The following GPLD1 variants were observed in gnomAD, a reference collection of about 807,000 sequenced individuals.
The protein encoded by GPLD1 is glycosylphosphatidylinositol specific phospholipase D1.
Under a neutral mutation model 112.6 loss-of-function variants are expected in GPLD1, and 84 were observed. The observed-to-expected ratio is 0.75, with a 90% confidence interval of 0.63 to 0.89. The LOEUF is 0.89. Ranked by LOEUF, GPLD1 falls within the 40% of genes least tolerant of loss-of-function variation. The pLI, the probability that GPLD1 is intolerant of heterozygous loss-of-function variation, is 0.00. For synonymous variants in GPLD1, 386 were observed against 403.8 expected (o/e 0.96, Z 0.53); for missense variants, 1,044 against 1,051.5 (o/e 0.99, Z 0.10).
chr6:24,444,498 ATTTT>A (rs567559014), intron 20 of GPLD1, among the ~76,000 whole-genome samples: 10 of 145,308 alleles, frequency 6.9e-5, no homozygotes, highest in East Asian at 5.9e-4. Flanking sequence ...GTTCTTATTT[ATTTT>A]TTTTTTTAAA....
chr6:24,457,637 C>T (rs1367636493), intron 12 of GPLD1, among the ~76,000 whole-genome samples: 1 of 152,028 alleles, frequency 6.6e-6, no homozygotes, highest in Non-Finnish European at 1.5e-5. Context: ...AATCCTAGCA[C>T]TTTGGGAGGT....
upstream of GPLD1, among the ~76,000 whole-genome samples, chr6:24,490,285 G>C (rs1241518035): frequency 2.0e-5 from 3 of 152,160 alleles, no homozygotes; most frequent in Non-Finnish European, 2.9e-5. Context: ...TATATTATCA[G>C]GTACCCACTT....
At chr6:24,456,736 A>C in intron 12 of GPLD1, 99 bp from the exon 13 acceptor site, 2 of 713,444 alleles carry the variant, frequency 2.8e-6, no homozygotes, top group Non-Finnish European at 4.6e-6. Context: ...AAAGGAAATG[A>C]GTTTTTAGAA....
Position 24,433,404 on chromosome 6 carries a change from TGAG to T in GPLD1, c.2359-18_2359-16del. ...ACATATTGGGCCTGAAGAAAAAAATTGAGGAGAGAGACAATGTTATTACTGTTT... is the reference window on the plus strand; with the variant it reads ...ACATATTGGGCCTGAAGAAAAAAATTGAGAGAGACAATGTTATTACTGTTT... On this transcript the variant is annotated splice_polypyrimidine_tract_variant and intron_variant, in intron 22 of 24. Transcript: ENST00000230036. The T allele has an allele frequency of 6.3e-7, 1 of 1,587,126 alleles. No individual in the cohort carries two copies. The highest frequency in any genetic ancestry group is 8.7e-7 in the Non-Finnish European group (1 of 1,156,068).
intron 10 of GPLD1, among the ~76,000 whole-genome samples, chr6:24,465,689 A>G (rs150744595): frequency 6.6e-6 from 1 of 152,178 alleles, no homozygotes; most frequent in African/African-American, 2.4e-5. Context: ...AGTGGGGACA[A>G]TCACAGTCTA....
Position 24,454,205 on chromosome 6 carries a change from A to C in GPLD1, c.1149-4T>G. 1 of 1,603,090 alleles carries C rather than the reference A, an allele frequency of 6.2e-7. No homozygotes were observed. The highest frequency in any genetic ancestry group is 8.5e-7 in the Non-Finnish European group (1 of 1,173,726). Reference sequence around the variant, plus strand: ...GAGGTCAGCTGAGGTCATTGCCCTTAGGGAAGTGAAGGGACCCACCATGGT... The same window carrying C: ...GAGGTCAGCTGAGGTCATTGCCCTTCGGGAAGTGAAGGGACCCACCATGGT... On this transcript the variant is annotated splice_polypyrimidine_tract_variant and splice_region_variant and intron_variant, in intron 13 of 24. Transcript: ENST00000230036.
intron 22 of GPLD1, among the ~76,000 whole-genome samples, chr6:24,434,651 C>G (rs1300580036): frequency 6.6e-6 from 1 of 151,752 alleles, no homozygotes; most frequent in Non-Finnish European, 1.5e-5. Flanking sequence ...TCGTGGCTAA[C>G]ACGGTGAAAC....
At chr6:24,491,120 C>T (rs150586237), upstream of GPLD1, among the ~76,000 whole-genome samples, 438 of 152,288 alleles carry the variant, frequency 2.9e-3, 2 homozygotes, top group South Asian at 0.024. Flanking sequence ...GAGCCAGCTG[C>T]CCCCTGATAG....
intron 20 of GPLD1, among the ~76,000 whole-genome samples, chr6:24,444,848 A>G (rs1278137155): frequency 3.3e-5 from 5 of 152,086 alleles, no homozygotes; most frequent in Non-Finnish European, 7.3e-5. Context: ...GACTGTCTCA[A>G]AAAAGAAAAA....
At chr6:24,473,688 T>A (rs912351694) in intron 5 of GPLD1, 21 bp from the exon 6 acceptor site, 1 of 1,569,108 alleles carries the variant, frequency 6.4e-7, no homozygotes, top group African/African-American at 1.4e-5. Context: ...AAGAGAACCA[T>A]CTGGTGTGTA....
intron 12 of GPLD1, 134 bp from the exon 13 acceptor site, chr6:24,456,771 T>A: frequency 1.8e-6 from 1 of 567,190 alleles, no homozygotes; most frequent in Non-Finnish European, 3.1e-6. Flanking sequence ...AATAAAACAT[T>A]AGGTCCTATC....
intron 3 of GPLD1, among the ~76,000 whole-genome samples, chr6:24,478,135 G>A (rs1291070082): frequency 6.6e-6 from 1 of 152,120 alleles, no homozygotes; most frequent in African/African-American, 2.4e-5. Context: ...AAATTGAATG[G>A]ACAAAAATAT....
rs1762588567 is a variant in GPLD1, at chr6:24,436,688, CCA to C, written c.2244_2245del (p.Gly749ThrfsTer13). ...TCGGCCGTCTTCTCCCCCAATCAGT[CCA>C]GAGGTTACATCTGCTATCCTCAGGG... On this transcript the variant is annotated frameshift_variant, in exon 22 of 25. Coordinates refer to ENST00000230036, the MANE Select transcript of GPLD1 (RefSeq NM_001503.4). LOFTEE classifies it high-confidence loss of function. 2 of 1,614,084 alleles carry C rather than the reference CCA, an allele frequency of 1.2e-6. No homozygotes were observed. Among genetic ancestry groups the C allele is most frequent in the Non-Finnish European group, 1.7e-6 (2 of 1,179,986 alleles).
chr6:24,467,190 A>G lies in GPLD1; in HGVS notation c.630T>C (p.Cys210=), dbSNP rs1312166061. ...ACATTTCTAAGAACTGGATATGTGA[A>G]CAATCAACGATTACATTTTCGGTGA... ...KVITENVIVD[C]SHIQFLEMYG... Residue 210 remains cysteine (C), a synonymous_variant, in exon 8 of 25, where the codon TGT becomes TGC. Coordinates refer to ENST00000230036, the MANE Select transcript of GPLD1 (RefSeq NM_001503.4). The G allele has an allele frequency of 3.8e-6, 6 of 1,594,812 alleles. No individual in the cohort carries two copies. The highest frequency in any genetic ancestry group is 5.2e-6 in the Non-Finnish European group (6 of 1,162,332).
downstream of GPLD1, chr6:24,424,922 T>A (rs1762177529): frequency 1.3e-5 from 2 of 151,704 alleles, no homozygotes; most frequent in South Asian, 4.2e-4. Flanking sequence ...AGAAAACCGA[T>A]GAAGTACAAG....
At chr6:24,470,032 CA>C (rs1049121471) in intron 7 of GPLD1, among the ~76,000 whole-genome samples, 1 of 151,876 alleles carries the variant, frequency 6.6e-6, no homozygotes, top group Non-Finnish European at 1.5e-5. Flanking sequence ...CAACTAGAAA[CA>C]AAAAAACCCT....
chr6:24,470,436 G>A (rs1350886547), intron 7 of GPLD1, among the ~76,000 whole-genome samples: 2 of 152,104 alleles, frequency 1.3e-5, no homozygotes, highest in Non-Finnish European at 2.9e-5. Flanking sequence ...AACTCTGACA[G>A]AACTACAAGA....
intron 6 of GPLD1, among the ~76,000 whole-genome samples, chr6:24,472,899 C>T (rs566312409): frequency 2.6e-5 from 4 of 152,084 alleles, no homozygotes; most frequent in African/African-American, 7.2e-5. Context: ...CCTCAGCCTC[C>T]CTCGTAGCTG....
Position 24,489,551 on chromosome 6 carries a change from G to A in GPLD1, c.-40C>T. On this transcript the variant is annotated 5_prime_UTR_variant, in exon 1 of 25. Coordinates refer to ENST00000230036, the MANE Select transcript of GPLD1 (RefSeq NM_001503.4). The stretch of plus-strand genomic sequence containing the variant: ...CCGGCTTCTCTGGTGACGTGGGAAT[G>A]CTCAGAGCTGCAGCAGCACTGGGAC... 6.2e-7 allele frequency: 1 copy of A among 1,612,868 alleles called. No homozygotes were observed. The highest frequency in any genetic ancestry group is 8.5e-7 in the Non-Finnish European group (1 of 1,179,326).
Sources: gnomAD v4.1 joint callset for allele counts (sites outside exome capture counted in the v4.1 genomes callset) on GRCh38, gnomAD v4.1.1 for gene constraint, MANE v1.5 for transcripts, NCBI Gene and HGNC (gene_info 2026-07-23, HGNC 2026-07-21) for gene names.